DLG1: variants seen among roughly 807,000 people sequenced by gnomAD.
DLG1 encodes the protein discs large MAGUK scaffold protein 1, also known as disks large homolog 1.
Under a neutral mutation model 123.4 loss-of-function variants are expected in DLG1, and 42 were observed. The ratio of observed to expected loss-of-function variants is 0.34; its 90% CI spans 0.27 to 0.44. DLG1 has a LOEUF of 0.44. Among genes scored for constraint, DLG1 ranks in the 20% least tolerant of loss-of-function variants. The pLI is 1.00. For synonymous variants in DLG1, 317 were observed against 356.2 expected (o/e 0.89, Z 1.24); for missense variants, 942 against 1,082.6 (o/e 0.87, Z 1.82).
intron 4 of DLG1, among the ~76,000 whole-genome samples, chr3:197,214,874 A>G (rs991864907): frequency 7.2e-5 from 11 of 152,218 alleles, no homozygotes; most frequent in African/African-American, 2.4e-4. Context: ...CTCCCACTCA[A>G]GAAGAAATGC....
chr3:197,182,515 T>TA (rs1360271839), intron 5 of DLG1, among the ~76,000 whole-genome samples: 3 of 152,240 alleles, frequency 2.0e-5, no homozygotes, highest in East Asian at 1.9e-4. Flanking sequence ...AAGAAATTTA[T>TA]AAAAAACATA....
chr3:197,160,955 G>T (rs1289176858), intron 5 of DLG1, among the ~76,000 whole-genome samples: 1 of 152,004 alleles, frequency 6.6e-6, no homozygotes, highest in Non-Finnish European at 1.5e-5. Flanking sequence ...TTTGACTTTG[G>T]ATAACTGTTG....
intron 4 of DLG1, among the ~76,000 whole-genome samples, chr3:197,257,970 T>C (rs1281022637): frequency 2.0e-5 from 3 of 152,002 alleles, no homozygotes; most frequent in East Asian, 3.9e-4. Flanking sequence ...ACACAAGAAC[T>C]TACAAACACA....
chr3:197,234,473 C>T (rs1236980173), intron 4 of DLG1, among the ~76,000 whole-genome samples: 1 of 152,206 alleles, frequency 6.6e-6, no homozygotes, highest in Non-Finnish European at 1.5e-5. Flanking sequence ...AATGTCTAAT[C>T]AATCCCACAT....
At chr3:197,262,041 T>C (rs1457910210) in intron 4 of DLG1, among the ~76,000 whole-genome samples, 4 of 152,236 alleles carry the variant, frequency 2.6e-5, no homozygotes, top group Non-Finnish European at 5.9e-5. Context: ...CCTAAAACTC[T>C]TGGAAATTCC....
At chr3:197,297,066 TA>T in intron 2 of DLG1, 119 bp downstream of exon 2, 1 of 1,068,936 alleles carries the variant, frequency 9.4e-7, no homozygotes, top group Non-Finnish European at 1.4e-6. Context: ...CCCTAAGCAA[TA>T]AAGCTAGGAC....
chr3:197,065,764 C>G lies in DLG1; in HGVS notation c.2144G>C (p.Arg715Thr). Residue 715 changes from arginine (R) to threonine (T), a missense_variant, in exon 21 of 25, where the codon AGG (arginine) becomes ACG (threonine). Physicochemically the swap from Arg to Thr is moderately conservative, Grantham distance 71. Coordinates refer to ENST00000667157, the MANE Select transcript of DLG1 (RefSeq NM_001366207.1). ...PVIILGPMKD[R>T]INDDLISEFP... ...TTCTGAGATCAAGTCATCATTTATC[C>G]TGTCTTTCATAGGTCCCAATATGAT... 8 of 1,612,274 alleles carry G rather than the reference C, an allele frequency of 5.0e-6. No individual in the cohort carries two copies. The highest frequency in any genetic ancestry group is 6.8e-6 in the Non-Finnish European group (8 of 1,178,950).
At chr3:197,161,583 A>G (rs1577292151) in intron 5 of DLG1, 5 of 1,080,710 alleles carry the variant, frequency 4.6e-6, no homozygotes, top group Non-Finnish European at 6.4e-6. Flanking sequence ...AAAGAACACA[A>G]ATGAAACATT....
chr3:197,157,034 A>T (rs922341259), intron 5 of DLG1, among the ~76,000 whole-genome samples: 15 of 152,300 alleles, frequency 9.8e-5, no homozygotes, highest in African/African-American at 3.6e-4. Context: ...AAGAAAAACC[A>T]TATACAAAAC....
At chr3:197,230,465 A>G (rs1368220707) in intron 4 of DLG1, among the ~76,000 whole-genome samples, 1 of 152,226 alleles carries the variant, frequency 6.6e-6, no homozygotes, top group African/African-American at 2.4e-5. Flanking sequence ...CTATTTAGTC[A>G]TGAAATTTTT....
chr3:197,204,131 C>A (rs1242803590), intron 4 of DLG1, among the ~76,000 whole-genome samples: 1 of 152,204 alleles, frequency 6.6e-6, no homozygotes, highest in Non-Finnish European at 1.5e-5. Context: ...CAGTCTGCTC[C>A]CATGTATAGG....
rs565094920 is a variant in DLG1 at position 197,267,993 on chromosome 3, C to T, written c.318+14686G>A. Among the ~76,000 whole-genome samples the T allele has an allele frequency of 4.2e-4, 64 of 152,218 alleles. No homozygotes were observed. In the Middle Eastern group the frequency reaches 0.02, roughly 49 times the overall value. On this transcript the variant is annotated intron_variant, in intron 4 of 24. Coordinates refer to ENST00000667157, the MANE Select transcript of DLG1 (RefSeq NM_001366207.1). Reference sequence around the variant, plus strand: ...TTCTAAAAGAAAAAAGGATTAAGAGCATAACAGAGCTGTTAGTATTTATTC... The same window carrying T: ...TTCTAAAAGAAAAAAGGATTAAGAGTATAACAGAGCTGTTAGTATTTATTC...
At chr3:197,178,416 T>C (rs185841692) in intron 5 of DLG1, among the ~76,000 whole-genome samples, 7 of 152,310 alleles carry the variant, frequency 4.6e-5, no homozygotes, top group African/African-American at 1.2e-4. Flanking sequence ...ATAAAGAAGA[T>C]TGAGACCAAT....
At chr3:197,094,487 T>C (rs1387238196) in intron 14 of DLG1, among the ~76,000 whole-genome samples, 1 of 152,250 alleles carries the variant, frequency 6.6e-6, no homozygotes, top group Non-Finnish European at 1.5e-5. Context: ...ACTATCCTTT[T>C]ATATCCAGTT....
At chr3:197,159,140 T>C (rs964030447) in intron 5 of DLG1, among the ~76,000 whole-genome samples, 1 of 152,172 alleles carries the variant, frequency 6.6e-6, no homozygotes, top group Admixed American at 6.5e-5. Context: ...TAGGAAGTGG[T>C]GGAGTCGGGT....
intron 5 of DLG1, among the ~76,000 whole-genome samples, chr3:197,182,195 T>A (rs1012693565): frequency 5.9e-5 from 9 of 152,198 alleles, no homozygotes; most frequent in African/African-American, 2.2e-4. Flanking sequence ...TCATCTAGTA[T>A]TAATCTACAA....
In DLG1 at chr3:197,245,165, T is replaced by A. The variant is rs376937024; in HGVS notation, c.318+37514A>T. Among the ~76,000 whole-genome samples, 6 of 152,306 alleles carry A rather than the reference T, an allele frequency of 3.9e-5. No individual in the cohort carries two copies. In the East Asian group the frequency reaches 7.7e-4, roughly 20 times the overall value. ...TGATGAAGGTGGGTGCCAGGGGGTA[T>A]GGTATTCCCACTTTATTTCTAATAT... is the stretch of plus-strand genomic sequence containing the variant. On this transcript the variant is annotated intron_variant, in intron 4 of 24. Transcript: ENST00000667157.
intron 19 of DLG1, among the ~76,000 whole-genome samples, chr3:197,068,150 A>C (rs1352510304): frequency 6.6e-6 from 1 of 152,230 alleles, no homozygotes; most frequent in African/African-American, 2.4e-5. Flanking sequence ...ATCAAAGTAC[A>C]TAAGACCAAT....
intron 5 of DLG1, chr3:197,183,745 T>C (rs910542640): frequency 1.3e-6 from 2 of 1,550,512 alleles, no homozygotes; most frequent in African/African-American, 1.4e-5. Context: ...TGGCTAGAGC[T>C]AGTATTGCCT....
Sources: gnomAD v4.1 joint callset for allele counts (sites outside exome capture counted in the v4.1 genomes callset) on GRCh38, gnomAD v4.1.1 for gene constraint, MANE v1.5 for transcripts, NCBI Gene and HGNC (gene_info 2026-07-23, HGNC 2026-07-21) for gene names.